Variants in GON4L observed in about 807,000 individuals in gnomAD.
The protein encoded by GON4L is GON-4-like protein.
A neutral mutation model predicts 211.8 loss-of-function variants in GON4L; 87 were observed. That is an observed-to-expected ratio of 0.41 (90% CI 0.35 to 0.49). The LOEUF (loss-of-function observed/expected upper bound fraction) is 0.49, where lower values mean the gene tolerates loss of function less well. Among genes scored for constraint, GON4L ranks in the 20% least tolerant of loss-of-function variants. The pLI, the probability that GON4L is intolerant of heterozygous loss-of-function variation, is 0.15. For missense variants in GON4L, 2,155 were observed against 2,659.5 expected (o/e 0.81, Z 4.17); for synonymous variants, 875 against 962.6 (o/e 0.91, Z 1.68).
At chr1:155,856,330 T>C (rs920486934) in intron 1 of GON4L, among the ~76,000 whole-genome samples, 1 of 152,038 alleles carries the variant, frequency 6.6e-6, no homozygotes, top group Non-Finnish European at 1.5e-5. Flanking sequence ...TGGGCTCCAG[T>C]GACCCTCTGG....
chr1:155,818,976 TGACA>T (rs1442829595), intron 6 of GON4L, among the ~76,000 whole-genome samples: 1 of 144,120 alleles, frequency 6.9e-6, no homozygotes, highest in Admixed American at 7.0e-5. Context: ...CCAGCCTAGG[TGACA>T]GAGTGAGACT....
chr1:155,782,200 C>G (rs1664490602), intron 14 of GON4L, among the ~76,000 whole-genome samples: 1 of 152,138 alleles, frequency 6.6e-6, no homozygotes, highest in Non-Finnish European at 1.5e-5. Flanking sequence ...TATGGACTTA[C>G]AGAATCCAGG....
intron 31 of GON4L, 75 bp from the exon 32 acceptor site, chr1:155,750,808 G>C: frequency 7.1e-7 from 1 of 1,417,226 alleles, no homozygotes; most frequent in Non-Finnish European, 9.7e-7. Flanking sequence ...CTGTTGCTGA[G>C]ACTGGAGTGC....
chr1:155,814,530 T>C lies in GON4L; in HGVS notation c.1162-81A>G, dbSNP rs574785446. 21 of 1,369,912 alleles carry C rather than the reference T, an allele frequency of 1.5e-5. No homozygotes were observed. The African/African-American group carries it at 2.6e-4, about 17-fold the overall frequency. 84.9% of individuals were successfully genotyped at this position (1,369,912 alleles called of 1,614,324 possible). A position where few individuals can be genotyped will look rare whatever the true frequency, so the allele number is the denominator to read the frequency against. On this transcript the variant is annotated intron_variant, in intron 8 of 31. Transcript: ENST00000368331. The stretch of plus-strand genomic sequence containing the variant: ...GTCTGAAGTATCTCAAGAGAAGGAA[T>C]CATAAAATATCAATCACTCAGCCTG...
At chr1:155,843,070 A>C (rs1670927909) in intron 2 of GON4L, among the ~76,000 whole-genome samples, 1 of 152,120 alleles carries the variant, frequency 6.6e-6, no homozygotes, top group African/African-American at 2.4e-5. Context: ...TGGAAGACTT[A>C]AAGTTGCTAT....
At chr1:155,854,687 G>T (rs898465605) in intron 1 of GON4L, among the ~76,000 whole-genome samples, 12 of 152,126 alleles carry the variant, frequency 7.9e-5, no homozygotes, top group Non-Finnish European at 1.2e-4. Context: ...TTCATAAACA[G>T]GTATTTCCAT....
At chr1:155,757,420 G>T in intron 25 of GON4L, 97 bp from the exon 26 acceptor site, 1 of 1,099,938 alleles carries the variant, frequency 9.1e-7, no homozygotes, top group Non-Finnish European at 1.3e-6. Context: ...TGCTTTCCCA[G>T]TCAACTGGGA....
At chr1:155,841,936 G>A (rs996859327) in intron 2 of GON4L, among the ~76,000 whole-genome samples, 1 of 152,162 alleles carries the variant, frequency 6.6e-6, no homozygotes, top group African/African-American at 2.4e-5. Flanking sequence ...CCTGAGGCAG[G>A]AGAATCACTT....
chr1:155,786,372 C>CA (rs1275390376), intron 12 of GON4L, among the ~76,000 whole-genome samples: 1 of 151,908 alleles, frequency 6.6e-6, no homozygotes, highest in East Asian at 1.9e-4. Context: ...CATATCTCTA[C>CA]AAAAAAATTT....
chr1:155,836,656 C>T (rs544355571), intron 2 of GON4L, among the ~76,000 whole-genome samples: 11 of 152,342 alleles, frequency 7.2e-5, no homozygotes, highest in South Asian at 2.1e-4. Flanking sequence ...TTAGTCAGTT[C>T]GTTGTCCCCC....
intron 27 of GON4L, among the ~76,000 whole-genome samples, chr1:155,756,128 T>A (rs762630874): frequency 6.6e-6 from 1 of 152,132 alleles, no homozygotes; most frequent in Non-Finnish European, 1.5e-5. Context: ...ATGTCTTCTG[T>A]AAAATGCAAA....
At chr1:155,750,879 T>G in intron 31 of GON4L, 146 bp from the exon 32 acceptor site, 1 of 722,802 alleles carries the variant, frequency 1.4e-6, no homozygotes, top group South Asian at 1.7e-5. Flanking sequence ...TTCTCCTGCC[T>G]CAGCCTTCAG....
chr1:155,799,125 G>A (rs115337677), intron 11 of GON4L, among the ~76,000 whole-genome samples: 7 of 152,110 alleles, frequency 4.6e-5, no homozygotes, highest in African/African-American at 7.2e-5. Context: ...AAATCTGTCC[G>A]AATAGGCACA....
At chr1:155,753,513 A>C in intron 28 of GON4L, 99 bp from the exon 29 acceptor site, 1 of 818,650 alleles carries the variant, frequency 1.2e-6, no homozygotes, top group Admixed American at 2.2e-5. Flanking sequence ...TCATCAAGTC[A>C]ACCCACATGC....
chr1:155,854,023 C>G (rs1189015587), intron 1 of GON4L, among the ~76,000 whole-genome samples: 1 of 152,148 alleles, frequency 6.6e-6, no homozygotes, highest in Non-Finnish European at 1.5e-5. Context: ...TTACCTAGGC[C>G]AAGTGATTTA....
chr1:155,849,902 C>T (rs751264074), intron 2 of GON4L, among the ~76,000 whole-genome samples: 1 of 148,582 alleles, frequency 6.7e-6, no homozygotes, highest in Non-Finnish European at 1.5e-5. Flanking sequence ...TTTAAACTAT[C>T]TCAAAGGAAA....
At chr1:155,849,017 G>A (rs974473893) in intron 2 of GON4L, among the ~76,000 whole-genome samples, 1 of 151,816 alleles carries the variant, frequency 6.6e-6, no homozygotes, top group African/African-American at 2.4e-5. Flanking sequence ...GCCTGGTGAT[G>A]CACACCTGTA....
chr1:155,816,305 A>G (rs1312283302), intron 6 of GON4L, 43 bp from the exon 7 acceptor site: 1 of 935,214 alleles, frequency 1.1e-6, no homozygotes, highest in Admixed American at 1.8e-5. Context: ...CTTAACTGAA[A>G]TAATTGTTTT....
chr1:155,815,524 T>C (rs1668160935), intron 8 of GON4L, among the ~76,000 whole-genome samples: 1 of 152,162 alleles, frequency 6.6e-6, no homozygotes, highest in African/African-American at 2.4e-5. Context: ...GGGGTTGTCC[T>C]AGTAATGATA....
Sources: gnomAD v4.1 joint callset for allele counts (sites outside exome capture counted in the v4.1 genomes callset) on GRCh38, gnomAD v4.1.1 for gene constraint, MANE v1.5 for transcripts, NCBI Gene and HGNC (gene_info 2026-07-23, HGNC 2026-07-21) for gene names.